Variants in SLC12A3 observed in about 807,000 individuals in gnomAD.
SLC12A3 encodes the protein solute carrier family 12 member 3, also known as Na-Cl cotransporter.
Under a neutral mutation model 121.0 loss-of-function variants are expected in SLC12A3, and 104 were observed. The ratio of observed to expected loss-of-function variants is 0.86; its 90% CI spans 0.73 to 1.01. SLC12A3 has a LOEUF of 1.01. Ranked by LOEUF, SLC12A3 falls within the 50% of genes least tolerant of loss-of-function variation. The pLI is 0.00. For missense variants in SLC12A3, 1,328 were observed against 1,356.3 expected (o/e 0.98, Z 0.33); for synonymous variants, 536 against 533.4 (o/e 1.00, Z -0.07).
chr16:56,886,841 C>T, intron 16 of SLC12A3, 112 bp from the exon 17 acceptor site: 8 of 1,429,110 alleles, frequency 5.6e-6, no homozygotes, highest in Non-Finnish European at 7.8e-6. Context: ...AAGAAAAGGG[C>T]ACCGTGGGTG....
In SLC12A3 at chr16:56,868,332, C is replaced by T. The variant is rs2144685229; in HGVS notation, c.465C>T (p.Leu155=). ...RCMLNIWGVI[L]YLRLPWITAQ... ...TGCTCAACATTTGGGGCGTGATCCT[C>T]TACCTGCGGCTGCCCTGGATTACGG... The change falls in exon 3 of 26, where the codon CTC becomes CTT. Residue 155 remains leucine, a synonymous_variant. Transcript: ENST00000563236. 6.2e-7 allele frequency: 1 copy of T among 1,613,974 alleles called. No individual in the cohort carries two copies. The highest frequency in any genetic ancestry group is 8.5e-7 in the Non-Finnish European group (1 of 1,179,978).
chr16:56,877,917 AG>A (rs1251149005), intron 8 of SLC12A3, among the ~76,000 whole-genome samples, 159 bp from the exon 9 acceptor site: 1 of 152,192 alleles, frequency 6.6e-6, no homozygotes, highest in Non-Finnish European at 1.5e-5. Flanking sequence ...GTGCTGGAAC[AG>A]GGGCTCTGAG....
chr16:56,867,139 G>T lies in SLC12A3; in HGVS notation c.352G>T (p.Val118Leu), dbSNP rs1230294034. Residue 118 changes from valine to leucine, a missense_variant, in exon 2 of 26, where the codon GTG becomes TTG. By Grantham distance (32) the Val-to-Leu change is conservative (BLOSUM62 1). Transcript: ENST00000563236. ...CAGCCACGAGATGACTGATGGGCTG[G>T]TGGAGGGCGAGGCAGGCACCAGCAG... ...RPSHEMTDGL[V>L]EGEAGTSSEK... 2 of 1,613,974 alleles carry T rather than the reference G, an allele frequency of 1.2e-6. No homozygotes were observed. Among genetic ancestry groups the T allele is most frequent in the South Asian group, 1.1e-5 (1 of 91,084 alleles).
In SLC12A3 at chr16:56,899,602, C is replaced by A. The variant is rs186431477; in HGVS notation, c.2706C>A (p.Asn902Lys). 1.7e-5 allele frequency: 28 copies of A among 1,613,684 alleles called. No homozygotes were observed. The East Asian group carries it at 6.2e-4, about 36-fold the overall frequency. ...EVHILPDINQ[N>K]PRAEHTKRFE... Reference sequence around the variant, plus strand: ...ACATCCTCCCTGACATCAACCAGAACCCTCGGGCTGAGCAGTAAGTTCTGT... The same window carrying A: ...ACATCCTCCCTGACATCAACCAGAAACCTCGGGCTGAGCAGTAAGTTCTGT... The change falls in exon 23 of 26, where the codon AAC becomes AAA. Residue 902 changes from asparagine (N) to lysine (K), a missense_variant. Transcript: ENST00000563236.
Position 56,870,112 on chromosome 16 carries a change from C to T in SLC12A3, c.618C>T (p.Leu206=), listed in dbSNP as rs2055071633. The change falls in exon 5 of 26, where the codon CTC becomes CTT. Residue 206 remains leucine (L), a synonymous_variant. Transcript: ENST00000563236. ...GKVKSGGTYF[L]ISRSLGPELG... ...CCCTGATAGGTGGCACCTACTTCCTCATCTCCCGGAGTCTGGGCCCAGAGC... is the reference window on the plus strand; with the variant it reads ...CCCTGATAGGTGGCACCTACTTCCTTATCTCCCGGAGTCTGGGCCCAGAGC... 4.3e-6 allele frequency: 7 copies of T among 1,613,666 alleles called. No individual in the cohort carries two copies. The highest frequency in any genetic ancestry group is 5.9e-6 in the Non-Finnish European group (7 of 1,180,034).
At chr16:56,908,922 C>T (rs1355755907) in intron 25 of SLC12A3, among the ~76,000 whole-genome samples, 2 of 152,212 alleles carry the variant, frequency 1.3e-5, no homozygotes, top group Non-Finnish European at 2.9e-5. Flanking sequence ...GTGTGCCAGA[C>T]CACGGCTTAA....
At chr16:56,875,825 A>T (rs1365829750) in intron 8 of SLC12A3, among the ~76,000 whole-genome samples, 1 of 140,900 alleles carries the variant, frequency 7.1e-6, no homozygotes, top group African/African-American at 2.5e-5. Context: ...AGTTAGGCAC[A>T]TCCAGGTCCA....
intron 12 of SLC12A3, among the ~76,000 whole-genome samples, chr16:56,881,512 G>A (rs2055240371): frequency 6.6e-6 from 1 of 152,160 alleles, no homozygotes; most frequent in African/African-American, 2.4e-5. Flanking sequence ...GGGTTCTTAG[G>A]TGATTACATG....
chr16:56,891,322 T>G (rs2055385496), intron 19 of SLC12A3, among the ~76,000 whole-genome samples: 1 of 137,240 alleles, frequency 7.3e-6, no homozygotes, highest in Non-Finnish European at 1.5e-5. Flanking sequence ...CAGTGAGCCG[T>G]GATTGCACCA....
In SLC12A3 at chr16:56,894,620, A is replaced by G; in HGVS notation, c.2611A>G (p.Arg871Gly). ...IRVFVGGQIN[R>G]MDQERKAIIS... is the part of the protein sequence containing the mutation. ...TGTGTTCGTAGGCGGCCAGATTAAC[A>G]GGATGGACCAGGAGAGAAAGGCGTA... The change falls in exon 22 of 26, where the codon AGG becomes GGG. Residue 871 changes from arginine (R) to glycine (G), a missense_variant. Arg to Gly is a moderately radical substitution (Grantham distance 125). Coordinates refer to ENST00000563236, the MANE Select transcript of SLC12A3 (RefSeq NM_001126108.2). 6.2e-7 allele frequency: 1 copy of G among 1,614,042 alleles called. No individual in the cohort carries two copies. The highest frequency in any genetic ancestry group is 8.5e-7 in the Non-Finnish European group (1 of 1,179,928).
intron 9 of SLC12A3, among the ~76,000 whole-genome samples, chr16:56,878,474 GA>G: frequency 6.6e-6 from 1 of 152,190 alleles, no homozygotes; most frequent in South Asian, 2.1e-4. Flanking sequence ...TGATGATGAT[GA>G]TGATGATGAT....
chr16:56,900,161 G>A lies in SLC12A3; in HGVS notation c.2720+545G>A, dbSNP rs368610349. ...AACTTTTCTCTTACGTCTCCCAGCC[G>A]TAAGGATGTCCCCCATCTGGACAGG... On this transcript the variant is annotated intron_variant, in intron 23 of 25. Coordinates refer to ENST00000563236, the MANE Select transcript of SLC12A3 (RefSeq NM_001126108.2). Among the ~76,000 whole-genome samples, 11 of 152,154 alleles carry A rather than the reference G, an allele frequency of 7.2e-5. No homozygotes were observed. The East Asian group carries it at 9.7e-4, about 13-fold the overall frequency.
intron 16 of SLC12A3, among the ~76,000 whole-genome samples, 194 bp from the exon 17 acceptor site, chr16:56,886,759 T>C (rs1411780742): frequency 2.6e-5 from 4 of 151,876 alleles, no homozygotes; most frequent in Non-Finnish European, 4.4e-5. Flanking sequence ...GCCCTGCCTC[T>C]TTTCTGCCCC....
Position 56,869,727 on chromosome 16 carries a change from A to G in SLC12A3, c.506-2A>G, listed in dbSNP as rs764303339. 1.2e-6 allele frequency: 2 copies of G among 1,613,918 alleles called. No individual in the cohort carries two copies. The highest frequency in any genetic ancestry group is 1.7e-6 in the Non-Finnish European group (2 of 1,179,822). On this transcript the variant is annotated splice_acceptor_variant, in intron 3 of 25. Coordinates refer to ENST00000563236, the MANE Select transcript of SLC12A3 (RefSeq NM_001126108.2). LOFTEE classifies it high-confidence loss of function. Reference sequence around the variant, plus strand: ...TGCCTAAGCTTTGGGTGCCCCCTGCAGTCCTGACCTGGATCATCATCCTGC... The same window carrying G: ...TGCCTAAGCTTTGGGTGCCCCCTGCGGTCCTGACCTGGATCATCATCCTGC...
Position 56,872,370 on chromosome 16 carries a change from T to A in SLC12A3, c.872T>A (p.Leu291His), listed in dbSNP as rs2055108857. Reference protein sequence around the residue: ...WESKAQVLFFLVIMVSFANYL... With the variant: ...WESKAQVLFFHVIMVSFANYL... Reference sequence around the variant, plus strand: ...CTCCAGGCCCAGGTGCTGTTCTTCCTTGTCATCATGGTCTCCTTTGCCAAC... The same window carrying A: ...CTCCAGGCCCAGGTGCTGTTCTTCCATGTCATCATGGTCTCCTTTGCCAAC... The change falls in exon 7 of 26, where the codon CTT becomes CAT. Residue 291 changes from leucine to histidine, a missense_variant. Transcript: ENST00000563236. 4 of 1,613,952 alleles carry A rather than the reference T, an allele frequency of 2.5e-6. No homozygotes were observed. The Admixed American group carries it at 6.7e-5, about 27-fold the overall frequency.
intron 7 of SLC12A3, 67 bp downstream of exon 7, chr16:56,872,529 C>G: frequency 3.1e-6 from 5 of 1,590,802 alleles, no homozygotes; most frequent in Non-Finnish European, 4.3e-6. Context: ...GAATCTGGCC[C>G]ATTGTGTGGA....
chr16:56,896,032 A>G (rs9929408), intron 22 of SLC12A3, among the ~76,000 whole-genome samples: 95,632 of 151,948 alleles, frequency 0.63, 31,357 homozygotes, highest in African/African-American at 0.81. Context: ...ATAAAGCTGC[A>G]TTCACTGCCA....
intron 11 of SLC12A3, 45 bp from the exon 12 acceptor site, chr16:56,880,085 T>C: frequency 6.3e-7 from 1 of 1,595,088 alleles, no homozygotes; most frequent in Non-Finnish European, 8.5e-7. Flanking sequence ...GGAGGGGAAG[T>C]GGCAGGTCCC....
In SLC12A3 at chr16:56,908,161, C is replaced by CTTTTTTTTT. The variant is rs55644914; in HGVS notation, c.2924+3710_2924+3718dup. 4.4e-4 allele frequency among the ~76,000 whole-genome samples: 43 copies of CTTTTTTTTT among 96,972 alleles called. 2 individuals are homozygous for CTTTTTTTTT. The highest frequency in any genetic ancestry group is 1.6e-3 in the African/African-American group (34 of 21,870). The allele number at this position is 96,972 out of a possible 152,430, so 63.6% of individuals were successfully genotyped here. The stretch of plus-strand genomic sequence containing the variant: ...ATTCATTTCTCAGATAGTGATATAA[C>CTTTTTTTTT]TTTTTTTTTTTTTTTTTTTGAGGCA... On this transcript the variant is annotated intron_variant, in intron 25 of 25. Coordinates refer to ENST00000563236, the MANE Select transcript of SLC12A3 (RefSeq NM_001126108.2).
Sources: gnomAD v4.1 joint callset for allele counts (sites outside exome capture counted in the v4.1 genomes callset) on GRCh38, gnomAD v4.1.1 for gene constraint, MANE v1.5 for transcripts, NCBI Gene and HGNC (gene_info 2026-07-23, HGNC 2026-07-21) for gene names.